AEBP2: variants seen among roughly 807,000 people sequenced by gnomAD.
AEBP2 encodes zinc finger protein AEBP2.
A neutral mutation model predicts 50.8 loss-of-function variants in AEBP2; 10 were observed. The observed-to-expected ratio is 0.20, with a 90% CI of 0.12 to 0.33. The LOEUF is 0.33. Among genes scored for constraint, AEBP2 ranks in the 10% least tolerant of loss-of-function variants. The pLI is 1.00. For synonymous variants in AEBP2, 296 were observed against 261.3 expected, an observed-to-expected ratio of 1.13 and a Z score of -1.28; for missense variants, 570 against 688.0, an observed-to-expected ratio of 0.83 and a Z score of 1.92.
chr12:19,446,664 G>A (rs1167858173), intron 1 of AEBP2, among the ~76,000 whole-genome samples: 2 of 151,622 alleles, frequency 1.3e-5, no homozygotes, highest in African/African-American at 2.4e-5. Context: ...CCCAGGAGGC[G>A]GAGCTTGCAG....
chr12:19,419,365 G>A (rs1383315124), intron 1 of AEBP2, among the ~76,000 whole-genome samples: 2 of 151,460 alleles, frequency 1.3e-5, no homozygotes, highest in East Asian at 3.9e-4. Context: ...CCAAGCTGGC[G>A]GATCACGAGG....
chr12:19,487,977 G>A (rs1005599588), intron 3 of AEBP2, among the ~76,000 whole-genome samples: 1 of 151,888 alleles, frequency 6.6e-6, no homozygotes, highest in African/African-American at 2.4e-5. Flanking sequence ...GCAAAGACTC[G>A]ATTGATGCAT....
intron 3 of AEBP2, among the ~76,000 whole-genome samples, chr12:19,485,523 A>T (rs1286699753): frequency 1.3e-5 from 2 of 151,884 alleles, no homozygotes; most frequent in Non-Finnish European, 2.9e-5. Flanking sequence ...CCTGGGCAAC[A>T]TGACGAAACC....
chr12:19,501,772 C>T (rs987514517), intron 5 of AEBP2, among the ~76,000 whole-genome samples: 3 of 145,366 alleles, frequency 2.1e-5, no homozygotes, highest in Non-Finnish European at 3.0e-5. Flanking sequence ...CCTCTATTTC[C>T]GTCGTCTCCT....
At chr12:19,418,228 TTTTA>T (rs2095743681) in intron 1 of AEBP2, among the ~76,000 whole-genome samples, 1 of 151,772 alleles carries the variant, frequency 6.6e-6, no homozygotes. Context: ...CAGGTCTTTA[TTTTA>T]TTTATTTTTT....
intron 2 of AEBP2, chr12:19,466,717 T>C (rs755326538): frequency 3.5e-6 from 3 of 850,510 alleles, no homozygotes; most frequent in Non-Finnish European, 4.2e-6. Flanking sequence ...ATTATTTTTT[T>C]AGATTTCTTA....
intron 5 of AEBP2, among the ~76,000 whole-genome samples, chr12:19,505,746 A>G (rs1336800868): frequency 1.3e-5 from 2 of 152,086 alleles, no homozygotes; most frequent in African/African-American, 4.8e-5. Flanking sequence ...AGGGGGTTGA[A>G]TAGGCATGGT....
chr12:19,463,667 A>ATTTTTTTT lies in AEBP2; in HGVS notation c.879+967_879+974dup, dbSNP rs34007914. On this transcript the variant is annotated intron_variant, in intron 2 of 7. Coordinates refer to ENST00000266508, the MANE Select transcript of AEBP2 (RefSeq NM_153207.5). The stretch of plus-strand genomic sequence containing the variant: ...TTTTAAGCAGTGATGTCATACTTGA[A>ATTTTTTTT]TTTTTTTTTTTTTTTTTTTTTTTTG... Among the ~76,000 whole-genome samples, 16 of 84,668 alleles carry ATTTTTTTT rather than the reference A, an allele frequency of 1.9e-4. 1 individual carries two copies. Among genetic ancestry groups the ATTTTTTTT allele is most frequent in the Admixed American group, 6.5e-4 (4 of 6,158 alleles). 55.5% of individuals were successfully genotyped at this position (84,668 alleles called of 152,430 possible).
At chr12:19,420,714 C>T (rs1386831020) in intron 1 of AEBP2, among the ~76,000 whole-genome samples, 2 of 152,130 alleles carry the variant, frequency 1.3e-5, no homozygotes, top group East Asian at 3.9e-4. Flanking sequence ...AATTTACGTT[C>T]CATGTCCACT....
chr12:19,518,432 A>T lies in AEBP2; in HGVS notation c.*315A>T. ...AAAGGCTTTGCATGCTTGCTGCTTT[A>T]AGCTGCTTTTTTTTTTCTTTTCTTC... On this transcript the variant is annotated 3_prime_UTR_variant, in exon 8 of 8. Coordinates refer to ENST00000266508, the MANE Select transcript of AEBP2 (RefSeq NM_153207.5). 4.8e-6 allele frequency: 6 copies of T among 1,237,340 alleles called. No individual in the cohort carries two copies. Among genetic ancestry groups the T allele is most frequent in the Non-Finnish European group, 6.1e-6 (6 of 988,620 alleles). The allele number at this position is 1,237,340 out of a possible 1,614,324, so 76.6% of individuals were successfully genotyped here.
rs1173884146 is a variant in AEBP2, at chr12:19,521,238, T to C, written c.*3121T>C. 6.6e-6 allele frequency: 1 copy of C among 152,204 alleles called. No homozygotes were observed. The highest frequency in any genetic ancestry group is 2.4e-5 in the African/African-American group (1 of 41,452). 9.4% of individuals were successfully genotyped at this position (152,204 alleles called of 1,614,324 possible). ...CAACTTGCATTTTAATATGACAATGTTGATCTTGGTAATAAGCCAGTACAT... is the reference window on the plus strand; with the variant it reads ...CAACTTGCATTTTAATATGACAATGCTGATCTTGGTAATAAGCCAGTACAT... On this transcript the variant is annotated 3_prime_UTR_variant, in exon 8 of 8. Transcript: ENST00000266508.
chr12:19,414,721 G>A (rs903392283), intron 1 of AEBP2, among the ~76,000 whole-genome samples: 23 of 152,208 alleles, frequency 1.5e-4, no homozygotes, highest in African/African-American at 5.1e-4. Flanking sequence ...TCAAGAGTTC[G>A]AGACCAACCT....
intron 2 of AEBP2, among the ~76,000 whole-genome samples, chr12:19,465,791 C>CTTTTTT (rs11284427): frequency 1.9e-5 from 2 of 107,686 alleles, no homozygotes; most frequent in Non-Finnish European, 3.8e-5. Flanking sequence ...ATTGTTTTTT[C>CTTTTTT]TTTTTTTTTT....
intron 1 of AEBP2, among the ~76,000 whole-genome samples, chr12:19,441,051 T>C (rs1255623843): frequency 6.6e-6 from 1 of 152,208 alleles, no homozygotes; most frequent in Non-Finnish European, 1.5e-5. Flanking sequence ...GATGGCCTTT[T>C]AAGATAACTT....
intron 5 of AEBP2, among the ~76,000 whole-genome samples, chr12:19,504,354 C>G (rs564642647): frequency 6.7e-6 from 1 of 149,830 alleles, no homozygotes; most frequent in African/African-American, 2.5e-5. Context: ...CCTGCCTCAG[C>G]CTCCCGAGTA....
At chr12:19,463,186 C>T (rs2153370373) in intron 2 of AEBP2, among the ~76,000 whole-genome samples, 1 of 152,258 alleles carries the variant, frequency 6.6e-6, no homozygotes, top group Non-Finnish European at 1.5e-5. Context: ...AATTGATCAT[C>T]TTTCCCAGGT....
chr12:19,512,570 A>G (rs1327588745), intron 6 of AEBP2, 105 bp downstream of exon 6: 1 of 810,052 alleles, frequency 1.2e-6, no homozygotes, highest in Non-Finnish European at 1.9e-6. Context: ...AAGAAATTAC[A>G]TTTTACAACG....
intron 1 of AEBP2, among the ~76,000 whole-genome samples, chr12:19,461,338 C>G (rs12819707): frequency 1.3e-5 from 2 of 152,060 alleles, no homozygotes; most frequent in East Asian, 3.9e-4. Context: ...AAAATGAAGG[C>G]GGAAGTGTGA....
chr12:19,427,896 C>T (rs887741227), intron 1 of AEBP2, among the ~76,000 whole-genome samples: 4 of 152,036 alleles, frequency 2.6e-5, no homozygotes, highest in Non-Finnish European at 4.4e-5. Flanking sequence ...TTTACCTGCA[C>T]TAATTAGGAT....
Sources: allele counts gnomAD v4.1 joint callset (sites outside exome capture counted in the v4.1 genomes callset), GRCh38; gene constraint gnomAD v4.1.1; transcripts MANE v1.5; gene names NCBI Gene and HGNC (gene_info 2026-07-23, HGNC 2026-07-21).